Variants in NTRK2 observed in about 807,000 individuals in gnomAD.
The protein encoded by NTRK2 is neurotrophic receptor tyrosine kinase 2.
A neutral mutation model predicts 94.5 loss-of-function variants in NTRK2; 13 were observed. The ratio of observed to expected loss-of-function variants is 0.14; its 90% CI spans 0.09 to 0.22. NTRK2 has a LOEUF of 0.22. NTRK2 is among the 10% of genes least tolerant of loss of function. The pLI is 1.00. For missense variants in NTRK2, 639 were observed against 1,071.2 expected, an observed-to-expected ratio of 0.60 and a Z score of 5.63; for synonymous variants, 372 against 407.4, an observed-to-expected ratio of 0.91 and a Z score of 1.05.
At chr9:84,980,135 C>T (rs1471255790) in intron 17 of NTRK2, among the ~76,000 whole-genome samples, 1 of 152,090 alleles carries the variant, frequency 6.6e-6, no homozygotes, top group Non-Finnish European at 1.5e-5. Context: ...AATTTGTGTT[C>T]ATTTTGTGTG....
intron 14 of NTRK2, among the ~76,000 whole-genome samples, chr9:84,909,331 A>G (rs1445816946): frequency 6.6e-6 from 1 of 152,144 alleles, no homozygotes; most frequent in African/African-American, 2.4e-5. Context: ...CTATTGAAGG[A>G]CATCTGGGTT....
chr9:84,869,958 T>C (rs2132087567), intron 14 of NTRK2, among the ~76,000 whole-genome samples: 1 of 151,914 alleles, frequency 6.6e-6, no homozygotes, highest in African/African-American at 2.4e-5. Context: ...CAAAAAAATC[T>C]TTTCTTTGAA....
At position 84,753,360 on chromosome 9, in the gene NTRK2, GA is replaced by G. The variant is rs201731210; in HGVS notation, c.1396+1279del. 3.9e-5 allele frequency among the ~76,000 whole-genome samples: 6 copies of G among 152,262 alleles called. No individual in the cohort carries two copies. The East Asian group carries it at 1.2e-3, about 29-fold the overall frequency. On this transcript the variant is annotated intron_variant, in intron 12 of 18. Coordinates refer to ENST00000277120, the MANE Select transcript of NTRK2 (RefSeq NM_006180.6). ...TGCCAAAAACTCCTATAGGACTTGAGAAAACACAGATTCCTGGGCTACCCCT... is the reference window on the plus strand; with the variant it reads ...TGCCAAAAACTCCTATAGGACTTGAGAAACACAGATTCCTGGGCTACCCCT...
chr9:84,742,837 G>A (rs922258344), intron 10 of NTRK2, among the ~76,000 whole-genome samples: 7 of 100,252 alleles, frequency 7.0e-5, no homozygotes, highest in African/African-American at 2.3e-4. Flanking sequence ...GTCTCACTTT[G>A]TTGCCCAGGC....
At chr9:84,686,911 ATTCT>A (rs1363672266) in intron 2 of NTRK2, among the ~76,000 whole-genome samples, 4 of 151,486 alleles carry the variant, frequency 2.6e-5, no homozygotes, top group South Asian at 2.1e-4. Flanking sequence ...CAAAAAGATA[ATTCT>A]TTCTTAAGAT....
rs547311265 is a variant in NTRK2, at chr9:84,966,579, C to A, written c.2172+11062C>A. ...CCCGAGCAGCTGGGATTACAGGCAC[C>A]TGCCACCACACTGGGCTAAATTTTT... is the stretch of plus-strand genomic sequence containing the variant. On this transcript the variant is annotated intron_variant, in intron 17 of 18. Transcript: ENST00000277120. 2.0e-5 allele frequency among the ~76,000 whole-genome samples: 3 copies of A among 152,200 alleles called. No individual in the cohort carries two copies. The East Asian group carries it at 5.8e-4, about 29-fold the overall frequency.
At chr9:84,900,865 C>A (rs948738512) in intron 14 of NTRK2, among the ~76,000 whole-genome samples, 3 of 152,318 alleles carry the variant, frequency 2.0e-5, no homozygotes, top group African/African-American at 7.2e-5. Flanking sequence ...ACCCATCTAT[C>A]AATTTCAGTA....
At chr9:84,679,967 A>G (rs1048303554) in intron 2 of NTRK2, among the ~76,000 whole-genome samples, 25 of 151,894 alleles carry the variant, frequency 1.6e-4, no homozygotes, top group African/African-American at 5.8e-4. Flanking sequence ...TTCCTGGCCC[A>G]CTTCTGTGGA....
At chr9:84,754,340 G>A (rs2064891753) in intron 12 of NTRK2, among the ~76,000 whole-genome samples, 1 of 151,592 alleles carries the variant, frequency 6.6e-6, no homozygotes. Context: ...TCTATTTTAA[G>A]CTACATGTCT....
chr9:84,963,182 A>C (rs539869869), intron 17 of NTRK2, among the ~76,000 whole-genome samples: 1 of 152,338 alleles, frequency 6.6e-6, no homozygotes, highest in Non-Finnish European at 1.5e-5. Flanking sequence ...CAGGGCATAA[A>C]TCTTTCCTAG....
intron 16 of NTRK2, among the ~76,000 whole-genome samples, chr9:84,949,580 A>G (rs1380978306): frequency 2.6e-5 from 4 of 152,006 alleles, no homozygotes; most frequent in Admixed American, 2.6e-4. Context: ...TGATTCTCCC[A>G]CCTCAACCTC....
At chr9:84,997,197 G>A (rs1411802203) in intron 17 of NTRK2, among the ~76,000 whole-genome samples, 1 of 152,176 alleles carries the variant, frequency 6.6e-6, no homozygotes, top group East Asian at 1.9e-4. Flanking sequence ...GTATAGGGTT[G>A]GGCAGGAGCT....
At chr9:84,706,219 G>A (rs1405134318) in intron 4 of NTRK2, among the ~76,000 whole-genome samples, 2 of 128,080 alleles carry the variant, frequency 1.6e-5, no homozygotes, top group African/African-American at 5.5e-5. Flanking sequence ...TGCACGCCTA[G>A]GAGGAAGGAC....
chr9:84,762,411 G>T (rs7045558), intron 12 of NTRK2, among the ~76,000 whole-genome samples: 1 of 152,142 alleles, frequency 6.6e-6, no homozygotes, highest in African/African-American at 2.4e-5. Context: ...TGAAACATTA[G>T]ATGTTTCTAT....
At chr9:84,847,228 C>T (rs1291014692) in intron 12 of NTRK2, among the ~76,000 whole-genome samples, 2 of 152,146 alleles carry the variant, frequency 1.3e-5, no homozygotes, top group Non-Finnish European at 2.9e-5. Flanking sequence ...GGTAATAAAA[C>T]TTGGGTGCAT....
intron 15 of NTRK2, among the ~76,000 whole-genome samples, chr9:84,940,747 A>C (rs77981084): frequency 6.6e-6 from 1 of 151,804 alleles, no homozygotes. Context: ...AAAAAAAAAA[A>C]CATAGATGAG....
chr9:84,771,587 G>C (rs1048390789), intron 12 of NTRK2, among the ~76,000 whole-genome samples: 2 of 152,144 alleles, frequency 1.3e-5, no homozygotes, highest in African/African-American at 4.8e-5. Flanking sequence ...TTTCTGTATG[G>C]TGAAGTCATC....
chr9:84,914,367 C>A (rs2077332494), intron 14 of NTRK2, among the ~76,000 whole-genome samples: 1 of 152,056 alleles, frequency 6.6e-6, no homozygotes, highest in Non-Finnish European at 1.5e-5. Flanking sequence ...AGTTTGATAT[C>A]TTTCTGGTTC....
chr9:84,842,443 G>A (rs2074240330), intron 12 of NTRK2, among the ~76,000 whole-genome samples: 2 of 152,318 alleles, frequency 1.3e-5, no homozygotes, highest in South Asian at 4.1e-4. Context: ...CCAGAGGAAT[G>A]CCGTTGGCTG....
Sources: gnomAD v4.1 joint callset for allele counts (sites outside exome capture counted in the v4.1 genomes callset) on GRCh38, gnomAD v4.1.1 for gene constraint, MANE v1.5 for transcripts, NCBI Gene and HGNC (gene_info 2026-07-23, HGNC 2026-07-21) for gene names.